Variants in GNA11 observed in about 807,000 individuals in gnomAD.
The protein encoded by GNA11 is G protein subunit alpha 11, also known as guanine nucleotide-binding protein subunit alpha-11.
A neutral mutation model predicts 38.2 loss-of-function variants in GNA11; 8 were observed. That is an observed-to-expected ratio of 0.21 (90% CI 0.12 to 0.38). The LOEUF is 0.38. Ranked by LOEUF, GNA11 falls within the 10% of genes least tolerant of loss-of-function variation. The pLI, the probability that GNA11 is intolerant of heterozygous loss-of-function variation, is 1.00. For missense variants in GNA11, 268 were observed against 516.3 expected (o/e 0.52, Z 4.66); for synonymous variants, 211 against 221.4 (o/e 0.95, Z 0.42).
At chr19:3,116,210 C>T (rs1169775994) in intron 4 of GNA11, among the ~76,000 whole-genome samples, 1 of 152,156 alleles carries the variant, frequency 6.6e-6, no homozygotes, top group Non-Finnish European at 1.5e-5. Flanking sequence ...TCTGCTGTCC[C>T]TGGGAACGTG....
rs1456020858 is a variant in GNA11, at chr19:3,110,297, G to A, written c.285G>A (p.Glu95=). Residue 95 remains glutamate, a synonymous_variant, in exon 2 of 7, where the codon GAG becomes GAA. Transcript: ENST00000078429. The surrounding 1 kb of genome is among the most constrained non-coding windows in gnomAD (Gnocchi z 5.4). ...TAMQAMIRAM[E]TLKILYKYEQ... is the part of the protein sequence containing the mutation. ...TGCAGGCCATGATCCGGGCCATGGAGACGCTCAAGATCCTCTACAAGTACG... is the reference window on the plus strand; with the variant it reads ...TGCAGGCCATGATCCGGGCCATGGAAACGCTCAAGATCCTCTACAAGTACG... 6.2e-7 allele frequency: 1 copy of A among 1,613,904 alleles called. No homozygotes were observed. Among genetic ancestry groups the A allele is most frequent in the South Asian group, 1.1e-5 (1 of 91,092 alleles).
intron 1 of GNA11, among the ~76,000 whole-genome samples, chr19:3,097,376 G>A (rs557755859): frequency 3.9e-5 from 6 of 152,246 alleles, no homozygotes; most frequent in South Asian, 2.1e-4. Context: ...CATGGCTCCC[G>A]TACAGCGTTG....
chr19:3,116,095 C>T (rs1162064201), intron 4 of GNA11, among the ~76,000 whole-genome samples: 1 of 151,964 alleles, frequency 6.6e-6, no homozygotes, highest in African/African-American at 2.4e-5. Context: ...GCTGGGCCTC[C>T]GGGGCTCCAG....
Position 3,113,249 on chromosome 19 carries a change from T to G in GNA11, c.322-81T>G, listed in dbSNP as rs1913820799. 2.2e-6 allele frequency: 3 copies of G among 1,394,076 alleles called. No homozygotes were observed. The Admixed American group carries it at 5.1e-5, about 24-fold the overall frequency. The allele number at this position is 1,394,076 out of a possible 1,614,324, so 86.4% of individuals were successfully genotyped here. A position where few individuals can be genotyped will look rare whatever the true frequency, so the allele number is the denominator to read the frequency against. Reference sequence around the variant, plus strand: ...AATGCCGCCCGGGCCAGCCGAGGCCTGGAAGAGGGGCCGTCACAAGCTTTC... The same window carrying G: ...AATGCCGCCCGGGCCAGCCGAGGCCGGGAAGAGGGGCCGTCACAAGCTTTC... On this transcript the variant is annotated intron_variant, in intron 2 of 6. Transcript: ENST00000078429.
chr19:3,095,491 C>G (rs1482334168), intron 1 of GNA11, among the ~76,000 whole-genome samples: 1 of 150,570 alleles, frequency 6.6e-6, no homozygotes, highest in Non-Finnish European at 1.5e-5. Flanking sequence ...ACACTCCATG[C>G]AGGCCCTGTA....
In GNA11 at chr19:3,110,360, G is replaced by A; in HGVS notation, c.321+27G>A. ...TGAGCCCGCGGGCGCCTGGGGAGGG[G>A]AGCGCCTGGGCAGCTGTGGGCTTGG... is the stretch of plus-strand genomic sequence containing the variant. On this transcript the variant is annotated intron_variant, in intron 2 of 6. Transcript: ENST00000078429. The surrounding 1 kb of genome is among the most constrained non-coding windows in gnomAD (Gnocchi z 5.4). The A allele has an allele frequency of 6.3e-7, 1 of 1,583,220 alleles. No homozygotes were observed. Among genetic ancestry groups the A allele is most frequent in the Non-Finnish European group, 8.7e-7 (1 of 1,153,884 alleles).
intron 2 of GNA11, among the ~76,000 whole-genome samples, chr19:3,112,881 G>C (rs1031369921): frequency 1.3e-5 from 2 of 152,262 alleles, no homozygotes; most frequent in African/African-American, 2.4e-5. Flanking sequence ...CTGTGACTGG[G>C]CTTCCTGCCT....
intron 1 of GNA11, among the ~76,000 whole-genome samples, chr19:3,096,006 G>A (rs1318239884): frequency 6.6e-6 from 1 of 152,166 alleles, no homozygotes; most frequent in Non-Finnish European, 1.5e-5. Context: ...CGAGCTCCTA[G>A]GTTAGCTCCT....
chr19:3,103,708 A>ATT (rs971990837), intron 1 of GNA11, among the ~76,000 whole-genome samples: 1 of 139,684 alleles, frequency 7.2e-6, no homozygotes. Flanking sequence ...TTTTTTGTAA[A>ATT]TTTTTTTTTT....
At position 3,103,519 on chromosome 19, in the gene GNA11, CTTTTTTTTT is replaced by C. The variant is rs760497682; in HGVS notation, c.137-6607_137-6599del. Among the ~76,000 whole-genome samples, 133 of 45,800 alleles carry C rather than the reference CTTTTTTTTT, an allele frequency of 2.9e-3. 1 individual carries two copies. The highest frequency in any genetic ancestry group is 6.8e-3 in the African/African-American group (85 of 12,496). 30.0% of individuals were successfully genotyped at this position (45,800 alleles called of 152,430 possible). A position where few individuals can be genotyped will look rare whatever the true frequency, so the allele number is the denominator to read the frequency against. On this transcript the variant is annotated intron_variant, in intron 1 of 6. Transcript: ENST00000078429. ...TGAGCCACTGCGCCCGGCCTTGAAT[CTTTTTTTTT>C]TTTTTTTTTTTTTTTTTTTTTTGAG...
chr19:3,097,439 A>G (rs1312762620), intron 1 of GNA11, among the ~76,000 whole-genome samples: 1 of 152,120 alleles, frequency 6.6e-6, no homozygotes, highest in Non-Finnish European at 1.5e-5. Flanking sequence ...CCCCTGTGGC[A>G]TCTGGGGCCC....
At chr19:3,102,784 G>A (rs74576888) in intron 1 of GNA11, among the ~76,000 whole-genome samples, 11,227 of 152,282 alleles carry the variant, frequency 0.074, 980 homozygotes, top group Admixed American at 0.2. Context: ...GGGCCCCTGC[G>A]TCAGGTTGGT....
At position 3,122,120 on chromosome 19, in the gene GNA11, G is replaced by A. The variant is rs1418500776; in HGVS notation, c.*941G>A. On this transcript the variant is annotated 3_prime_UTR_variant, in exon 7 of 7. Coordinates refer to ENST00000078429, the MANE Select transcript of GNA11 (RefSeq NM_002067.5). This position sits in a 1 kb window ranked among gnomAD's most constrained non-coding sequence, Gnocchi z 7.7. ...TGGGCGGCTGGAGGGATGGTCCCCC[G>A]GTGACACTGGGAGAAAGGCCACTTG... The A allele has an allele frequency of 2.1e-5, 5 of 233,200 alleles. No individual in the cohort carries two copies. In the South Asian group the frequency reaches 9.0e-4, roughly 42 times the overall value. 14.4% of individuals were successfully genotyped at this position (233,200 alleles called of 1,614,324 possible).
At chr19:3,102,989 G>A (rs896500336) in intron 1 of GNA11, among the ~76,000 whole-genome samples, 1 of 152,216 alleles carries the variant, frequency 6.6e-6, no homozygotes, top group African/African-American at 2.4e-5. Flanking sequence ...TGCTCCCGGT[G>A]TGTGCACTGG....
In GNA11 at chr19:3,110,951, G is replaced by A. The variant is rs544308140; in HGVS notation, c.321+618G>A. On this transcript the variant is annotated intron_variant, in intron 2 of 6. Coordinates refer to ENST00000078429, the MANE Select transcript of GNA11 (RefSeq NM_002067.5). This position sits in a 1 kb window ranked among gnomAD's most constrained non-coding sequence, Gnocchi z 5.4. ...GCTGGGACTGCAGGTGCATCACCAC[G>A]CCTAGCTAATTTTTGTATTTTTTGT... 6.6e-6 allele frequency among the ~76,000 whole-genome samples: 1 copy of A among 152,112 alleles called. No individual in the cohort carries two copies. The highest frequency in any genetic ancestry group is 2.4e-5 in the African/African-American group (1 of 41,500).
chr19:3,115,028 C>T lies in GNA11; in HGVS notation c.561C>T (p.Thr187=), dbSNP rs571070788. 33 of 1,613,358 alleles carry T rather than the reference C, an allele frequency of 2.0e-5. No individual in the cohort carries two copies. The highest frequency in any genetic ancestry group is 2.6e-5 in the Non-Finnish European group (31 of 1,179,882). ...TGCTGCGGGTCCGCGTGCCCACCAC[C>T]GGCATCATCGAGTACCCTTTCGACC... ...QDVLRVRVPT[T]GIIEYPFDLE... is the part of the protein sequence containing the mutation. The change falls in exon 4 of 7, where the codon ACC becomes ACT. Residue 187 remains threonine (T), a synonymous_variant. Coordinates refer to ENST00000078429, the MANE Select transcript of GNA11 (RefSeq NM_002067.5).
At chr19:3,109,852 G>A (rs765167024) in intron 1 of GNA11, among the ~76,000 whole-genome samples, 2 of 152,348 alleles carry the variant, frequency 1.3e-5, no homozygotes, top group Admixed American at 6.5e-5. Context: ...GCCTGAGACC[G>A]TGTGGTCTTT....
Position 3,110,077 on chromosome 19 carries a change from TG to T in GNA11, c.137-69del. On this transcript the variant is annotated intron_variant, in intron 1 of 6. Transcript: ENST00000078429. The surrounding 1 kb of genome is among the most constrained non-coding windows in gnomAD (Gnocchi z 5.4). ...CTGGGTGCTGCAGCACGGCAGGGTC[TG>T]GGTAAGAGGGGGCAGCAGCACGAGA... is the stretch of plus-strand genomic sequence containing the variant. 1 of 1,273,074 alleles carries T rather than the reference TG, an allele frequency of 7.9e-7. No individual in the cohort carries two copies. The highest frequency in any genetic ancestry group is 1.1e-6 in the Non-Finnish European group (1 of 910,648). 78.9% of individuals were successfully genotyped at this position (1,273,074 alleles called of 1,614,324 possible).
In GNA11 at chr19:3,120,900, C is replaced by G. The variant is rs370882538; in HGVS notation, c.890-89C>G. On this transcript the variant is annotated intron_variant, in intron 6 of 6. Transcript: ENST00000078429. The surrounding 1 kb of genome is among the most constrained non-coding windows in gnomAD (Gnocchi z 5.9). Reference sequence around the variant, plus strand: ...AGCTGGGTGGGCCGTGGGCCTTACTCGCTCATCCCCTGGGAGTGACAAAGG... The same window carrying G: ...AGCTGGGTGGGCCGTGGGCCTTACTGGCTCATCCCCTGGGAGTGACAAAGG... The G allele has an allele frequency of 2.0e-6, 2 of 975,826 alleles. No individual in the cohort carries two copies. The highest frequency in any genetic ancestry group is 3.2e-5 in the African/African-American group (2 of 62,140). The allele number at this position is 975,826 out of a possible 1,614,324, so 60.4% of individuals were successfully genotyped here.
Sources: gnomAD v4.1 joint callset for allele counts (sites outside exome capture counted in the v4.1 genomes callset) on GRCh38, gnomAD v4.1.1 for gene constraint, Gnocchi (gnomAD v3.1) non-coding constraint, MANE v1.5 for transcripts, NCBI Gene and HGNC (gene_info 2026-07-23, HGNC 2026-07-21) for gene names.